Variants in COP1 observed in about 807,000 individuals in gnomAD.
The protein encoded by COP1 is E3 ubiquitin-protein ligase COP1.
A neutral mutation model predicts 101.3 loss-of-function variants in COP1; 24 were observed. The ratio of observed to expected loss-of-function variants is 0.24; its 90% CI spans 0.17 to 0.33. COP1 has a LOEUF of 0.33. COP1 is among the 10% of genes least tolerant of loss of function. COP1 has a pLI of 1.00. For missense variants in COP1, 663 were observed against 906.2 expected, an observed-to-expected ratio of 0.73 and a Z score of 3.45; for synonymous variants, 347 against 341.9, an observed-to-expected ratio of 1.01 and a Z score of -0.17.
intron 1 of COP1, among the ~76,000 whole-genome samples, chr1:176,189,818 CTAATA>C (rs1698921059): frequency 6.6e-6 from 1 of 151,678 alleles, no homozygotes; most frequent in South Asian, 2.1e-4. Context: ...CAATCATAAT[CTAATA>C]TTTCAAAATG....
At chr1:176,196,091 T>C (rs1233439894) in intron 1 of COP1, among the ~76,000 whole-genome samples, 2 of 152,114 alleles carry the variant, frequency 1.3e-5, no homozygotes, top group African/African-American at 4.8e-5. Context: ...TATGAACTGA[T>C]TGAAAATTTG....
At chr1:176,140,163 C>T (rs1690447962) in intron 6 of COP1, among the ~76,000 whole-genome samples, 2 of 152,082 alleles carry the variant, frequency 1.3e-5, no homozygotes, top group African/African-American at 4.8e-5. Flanking sequence ...TCTCCTAATA[C>T]CTCAAAGCTT....
At chr1:176,129,897 C>A (rs116610063) in intron 8 of COP1, among the ~76,000 whole-genome samples, 1 of 151,756 alleles carries the variant, frequency 6.6e-6, no homozygotes, top group African/African-American at 2.4e-5. Flanking sequence ...CGTTCCTCAT[C>A]ACACCAGATT....
At chr1:175,951,463 A>ATATATAT (rs1558154896) in intron 18 of COP1, among the ~76,000 whole-genome samples, 2,336 of 39,724 alleles carry the variant, frequency 0.059, 94 homozygotes, top group Admixed American at 0.13. Flanking sequence ...TATATATATA[A>ATATATAT]AAACTTCCAT....
At chr1:176,100,585 T>G (rs1232755989) in intron 9 of COP1, among the ~76,000 whole-genome samples, 1 of 152,178 alleles carries the variant, frequency 6.6e-6, no homozygotes, top group Non-Finnish European at 1.5e-5. Flanking sequence ...ATGGGTAATG[T>G]AGAAATCTGG....
chr1:176,068,734 AT>A (rs1320674441), intron 11 of COP1, among the ~76,000 whole-genome samples: 1 of 152,202 alleles, frequency 6.6e-6, no homozygotes, highest in Non-Finnish European at 1.5e-5. Flanking sequence ...CACTCTAAAG[AT>A]TTACAAAGGA....
At chr1:175,952,734 C>T (rs1172107279) in intron 18 of COP1, among the ~76,000 whole-genome samples, 1 of 152,026 alleles carries the variant, frequency 6.6e-6, no homozygotes. Context: ...CAGAGTAATA[C>T]CTTGTTGCTA....
intron 18 of COP1, among the ~76,000 whole-genome samples, chr1:175,971,598 C>T (rs1253522201): frequency 3.9e-5 from 6 of 152,006 alleles, no homozygotes; most frequent in African/African-American, 1.2e-4. Flanking sequence ...GTGTACTCCA[C>T]CCGCCACTCT....
At chr1:176,167,122 G>A (rs1695265380) in intron 3 of COP1, among the ~76,000 whole-genome samples, 1 of 151,982 alleles carries the variant, frequency 6.6e-6, no homozygotes. Flanking sequence ...TATATACACT[G>A]GACTCAACAT....
chr1:175,945,721 G>A (rs1649085033), intron 19 of COP1, among the ~76,000 whole-genome samples: 1 of 152,158 alleles, frequency 6.6e-6, no homozygotes, highest in South Asian at 2.1e-4. Context: ...AAACTAAGAG[G>A]AAGCAAATGG....
chr1:176,021,257 G>C (rs556736380), intron 15 of COP1, among the ~76,000 whole-genome samples: 2 of 152,064 alleles, frequency 1.3e-5, no homozygotes, highest in East Asian at 3.9e-4. Context: ...AAATTTTATT[G>C]GTTTTTAGAA....
intron 14 of COP1, among the ~76,000 whole-genome samples, chr1:176,042,099 G>A (rs961625480): frequency 4.0e-5 from 6 of 151,610 alleles, no homozygotes; most frequent in South Asian, 4.2e-4. Context: ...GCAGCAGAGC[G>A]AGATTACGTC....
intron 11 of COP1, among the ~76,000 whole-genome samples, chr1:176,066,079 A>G (rs1415429921): frequency 6.6e-6 from 1 of 152,134 alleles, no homozygotes; most frequent in African/African-American, 2.4e-5. Flanking sequence ...GAATCTACAT[A>G]AGTCTTTCAA....
chr1:176,035,965 T>C (rs1191917280), intron 14 of COP1, among the ~76,000 whole-genome samples: 1 of 152,090 alleles, frequency 6.6e-6, no homozygotes, highest in African/African-American at 2.4e-5. Flanking sequence ...AACAGAATGA[T>C]TTCTGAAAAT....
At chr1:176,126,447 C>T (rs1426196803) in intron 8 of COP1, among the ~76,000 whole-genome samples, 2 of 152,018 alleles carry the variant, frequency 1.3e-5, no homozygotes, top group Non-Finnish European at 2.9e-5. Context: ...CTTCATCAAC[C>T]TCACTTCTTT....
At chr1:176,143,558 A>G (rs1288939227) in intron 6 of COP1, among the ~76,000 whole-genome samples, 1 of 152,194 alleles carries the variant, frequency 6.6e-6, no homozygotes, top group Non-Finnish European at 1.5e-5. Context: ...GTAAGAAAAA[A>G]AACAATCTCA....
At chr1:175,973,053 A>C (rs758856611) in intron 18 of COP1, among the ~76,000 whole-genome samples, 11 of 152,086 alleles carry the variant, frequency 7.2e-5, no homozygotes, top group Non-Finnish European at 1.6e-4. Context: ...GCTGGTCTCA[A>C]ACTCCCAAAC....
chr1:176,105,957 G>C (rs183988423), intron 9 of COP1, among the ~76,000 whole-genome samples: 1 of 152,144 alleles, frequency 6.6e-6, no homozygotes, highest in Non-Finnish European at 1.5e-5. Context: ...CCTCCAAGCT[G>C]TCCTTGTTCA....
chr1:176,074,978 T>C (rs1044153565), intron 11 of COP1, among the ~76,000 whole-genome samples: 1 of 152,122 alleles, frequency 6.6e-6, no homozygotes, highest in African/African-American at 2.4e-5. Context: ...TAAGTAAGAA[T>C]GCTAATATGT....
Sources: gnomAD v4.1 joint callset for allele counts (sites outside exome capture counted in the v4.1 genomes callset) on GRCh38, gnomAD v4.1.1 for gene constraint, MANE v1.5 for transcripts, NCBI Gene and HGNC (gene_info 2026-07-23, HGNC 2026-07-21) for gene names.